Variants in DOCK3 observed in about 807,000 individuals in gnomAD.
DOCK3 encodes dedicator of cytokinesis protein 3.
In DOCK3, 60 loss-of-function variants were observed where a neutral mutation model predicts 265.6. That is an observed-to-expected ratio of 0.23 (90% CI 0.18 to 0.28). DOCK3 has a LOEUF of 0.28. Ranked by LOEUF, DOCK3 falls within the 10% of genes least tolerant of loss-of-function variation. DOCK3 has a pLI of 1.00. For synonymous variants in DOCK3, 881 were observed against 938.0 expected (o/e 0.94, Z 1.11); for missense variants, 1,981 against 2,594.3 (o/e 0.76, Z 5.14).
intron 18 of DOCK3, among the ~76,000 whole-genome samples, chr3:51,229,306 C>T (rs532322498): frequency 6.6e-6 from 1 of 152,306 alleles, no homozygotes; most frequent in Admixed American, 6.5e-5. Flanking sequence ...CGAAAATTAC[C>T]TGGACATGAT....
intron 15 of DOCK3, 47 bp downstream of exon 15, chr3:51,225,820 T>C (rs749391357): frequency 5.7e-6 from 9 of 1,574,342 alleles, no homozygotes; most frequent in South Asian, 1.2e-5. Context: ...AATCCTATAA[T>C]AATTCTCTGT....
intron 22 of DOCK3, among the ~76,000 whole-genome samples, chr3:51,254,692 C>CT: frequency 6.6e-6 from 1 of 152,200 alleles, no homozygotes; most frequent in East Asian, 1.9e-4. Flanking sequence ...ATTGCAACCC[C>CT]TGCTTTTTTT....
chr3:50,757,598 T>G (rs1179262233), intron 1 of DOCK3, among the ~76,000 whole-genome samples: 3 of 152,208 alleles, frequency 2.0e-5, no homozygotes, highest in Non-Finnish European at 4.4e-5. Flanking sequence ...TTCTTGGTGG[T>G]CTTTGTAGTG....
At chr3:50,745,962 GT>G (rs575757527) in intron 1 of DOCK3, among the ~76,000 whole-genome samples, 99 of 152,050 alleles carry the variant, frequency 6.5e-4, no homozygotes, top group African/African-American at 2.4e-3. Context: ...TTATTGTTGG[GT>G]TTTTGAGAGT....
chr3:51,280,464 A>G (rs914685833), intron 27 of DOCK3, among the ~76,000 whole-genome samples: 3 of 151,810 alleles, frequency 2.0e-5, no homozygotes, highest in African/African-American at 7.3e-5. Flanking sequence ...ATTAGAGGCT[A>G]CTCTGTCCCA....
intron 5 of DOCK3, among the ~76,000 whole-genome samples, chr3:50,982,287 A>G (rs980698461): frequency 8.5e-5 from 13 of 152,136 alleles, no homozygotes; most frequent in African/African-American, 1.4e-4. Context: ...TAGAGAGGTC[A>G]TATTCTTTTT....
rs564249318 is a variant in DOCK3 at position 51,114,045 on chromosome 3, G to T, written c.746+23661G>T. Among the ~76,000 whole-genome samples the T allele has an allele frequency of 3.9e-5, 6 of 152,084 alleles. No individual in the cohort carries two copies. The South Asian group carries it at 1.2e-3, about 32-fold the overall frequency. ...GATGACTTGAGCCCTGGAGGTCGAG[G>T]TTGCAGTGAGCCATGATTGCATCAC... On this transcript the variant is annotated intron_variant, in intron 9 of 52. Transcript: ENST00000266037.
chr3:50,766,611 G>C (rs967727602), intron 1 of DOCK3, among the ~76,000 whole-genome samples: 5 of 152,156 alleles, frequency 3.3e-5, no homozygotes, highest in African/African-American at 9.7e-5. Flanking sequence ...ATAGCAGCAT[G>C]ATTTATAATC....
chr3:51,016,578 T>TATATG (rs2079271828), intron 5 of DOCK3, among the ~76,000 whole-genome samples: 4 of 92,182 alleles, frequency 4.3e-5, no homozygotes, highest in African/African-American at 1.8e-4. Context: ...TATATATTTA[T>TATATG]ATATATCATA....
rs755531254 is a variant in DOCK3, at chr3:50,869,342, A to ATTTTTTTTTTTTTTTTTTTTTT, written c.163-20657_163-20636dup. On this transcript the variant is annotated intron_variant, in intron 3 of 52. Coordinates refer to ENST00000266037, the MANE Select transcript of DOCK3 (RefSeq NM_004947.5). ...TCAATTTTATTTATTTCTGCTGGGA[A>ATTTTTTTTTTTTTTTTTTTTTT]TTTTTTTTTTTTTTTTTTTTTTTTT... Among the ~76,000 whole-genome samples, 285 of 70,106 alleles carry ATTTTTTTTTTTTTTTTTTTTTT rather than the reference A, an allele frequency of 4.1e-3. 140 individuals carry two copies. Among genetic ancestry groups the ATTTTTTTTTTTTTTTTTTTTTT allele is most frequent in the Non-Finnish European group, 5.3e-3 (209 of 39,204 alleles). 46.0% of individuals were successfully genotyped at this position (70,106 alleles called of 152,430 possible).
At chr3:51,012,060 A>C (rs542729847) in intron 5 of DOCK3, among the ~76,000 whole-genome samples, 3 of 152,130 alleles carry the variant, frequency 2.0e-5, no homozygotes, top group African/African-American at 7.2e-5. Context: ...CAGTTAGGCT[A>C]CTCGGGGGTC....
chr3:51,168,672 A>G (rs777672959), intron 12 of DOCK3, among the ~76,000 whole-genome samples: 2 of 152,244 alleles, frequency 1.3e-5, no homozygotes, highest in Non-Finnish European at 2.9e-5. Context: ...CATTCTAGAC[A>G]TAGGAATGGG....
intron 1 of DOCK3, among the ~76,000 whole-genome samples, chr3:50,725,975 A>G (rs1027328799): frequency 2.0e-5 from 3 of 152,170 alleles, no homozygotes; most frequent in Non-Finnish European, 4.4e-5. Flanking sequence ...TTTATGTTAC[A>G]ATGTCGCGGA....
At chr3:51,004,714 GTTTT>G (rs56348225) in intron 5 of DOCK3, among the ~76,000 whole-genome samples, 5 of 118,698 alleles carry the variant, frequency 4.2e-5, no homozygotes, top group Admixed American at 8.8e-5. Context: ...AGAGATTTAA[GTTTT>G]TTTTTTTTTT....
intron 12 of DOCK3, among the ~76,000 whole-genome samples, chr3:51,193,378 G>A (rs190308623): frequency 2.1e-4 from 31 of 146,330 alleles, no homozygotes; most frequent in East Asian, 1.7e-3. Flanking sequence ...TATAGTTTTC[G>A]TTGTTGTTGT....
chr3:51,320,825 G>A (rs1169020986), intron 32 of DOCK3, among the ~76,000 whole-genome samples: 4 of 152,222 alleles, frequency 2.6e-5, no homozygotes, highest in African/African-American at 7.2e-5. Flanking sequence ...AGCAGCCCCA[G>A]TCAGGGGCTT....
At chr3:51,231,121 C>CTTTTTTTTTTTTT (rs754271357) in intron 19 of DOCK3, among the ~76,000 whole-genome samples, 3 of 77,738 alleles carry the variant, frequency 3.9e-5, no homozygotes, top group Non-Finnish European at 4.5e-5. Context: ...TATTTTTTGA[C>CTTTTTTTTTTTTT]TTTTTTTTTT....
intron 21 of DOCK3, among the ~76,000 whole-genome samples, chr3:51,244,364 C>A (rs1039133327): frequency 3.3e-5 from 5 of 152,018 alleles, no homozygotes; most frequent in African/African-American, 1.2e-4. Context: ...TTATTGCTAT[C>A]TTTTATTTCT....
intron 4 of DOCK3, among the ~76,000 whole-genome samples, chr3:50,921,926 C>G (rs1269942434): frequency 6.6e-6 from 1 of 152,126 alleles, no homozygotes; most frequent in Admixed American, 6.5e-5. Flanking sequence ...AGCTTCATCT[C>G]AGAGGGGCAC....
Sources: gnomAD v4.1 joint callset for allele counts (sites outside exome capture counted in the v4.1 genomes callset) on GRCh38, gnomAD v4.1.1 for gene constraint, MANE v1.5 for transcripts, NCBI Gene and HGNC (gene_info 2026-07-23, HGNC 2026-07-21) for gene names.